ZNF862: variants seen among roughly 807,000 people sequenced by gnomAD.
ZNF862 encodes the protein zinc finger protein 862.
In ZNF862, 64 loss-of-function variants were observed where a neutral mutation model predicts 91.1. The observed-to-expected ratio is 0.70, with a 90% CI of 0.57 to 0.87. The LOEUF is 0.87. Ranked by LOEUF, ZNF862 falls within the 40% of genes least tolerant of loss-of-function variation. ZNF862 has a pLI of 0.00. For synonymous variants in ZNF862, 631 were observed against 618.1 expected, an observed-to-expected ratio of 1.02 and a Z score of -0.31; for missense variants, 1,459 against 1,528.0, an observed-to-expected ratio of 0.95 and a Z score of 0.75.
intron 1 of ZNF862, chr7:149,840,840 T>G (rs1801680060): frequency 1.6e-6 from 1 of 609,132 alleles, no homozygotes; most frequent in Admixed American, 6.3e-5. Context: ...AAGTACACTC[T>G]GTGATGTTCC....
intron 5 of ZNF862, among the ~76,000 whole-genome samples, chr7:149,853,813 C>G (rs1802158262): frequency 6.6e-6 from 1 of 151,918 alleles, no homozygotes; most frequent in Non-Finnish European, 1.5e-5. Flanking sequence ...TGGCACACAC[C>G]CTTAGTTCCA....
rs767215098 is a variant in ZNF862, at chr7:149,848,276, A to G, written c.783A>G (p.Ser261=). The change falls in exon 4 of 8, where the codon TCA becomes TCG. Residue 261 remains serine, a synonymous_variant. Coordinates refer to ENST00000223210, the MANE Select transcript of ZNF862 (RefSeq NM_001099220.3). ...GCATGGCTGAGCTCCTGCCAAGTTC[A>G]AGAGCTGAACTAGAGGACCCTGGGG... ...FDSMAELLPS[S]RAELEDPGGD... 6 of 1,611,780 alleles carry G rather than the reference A, an allele frequency of 3.7e-6. No homozygotes were observed. The South Asian group carries it at 5.5e-5, about 15-fold the overall frequency.
chr7:149,867,176 G>A lies in ZNF862; in HGVS notation c.*2892G>A, dbSNP rs187859841. On this transcript the variant is annotated 3_prime_UTR_variant, in exon 8 of 8. Coordinates refer to ENST00000223210, the MANE Select transcript of ZNF862 (RefSeq NM_001099220.3). ...GTAGTTTGATCCCAATAGCCATAGC[G>A]ACTCCAGGTGGGAGTGAGGGAGCCC... 2 of 152,302 alleles carry A rather than the reference G, an allele frequency of 1.3e-5. No individual in the cohort carries two copies. The highest frequency in any genetic ancestry group is 1.3e-4 in the Admixed American group (2 of 15,308). The allele number at this position is 152,302 out of a possible 1,614,324, so 9.4% of individuals were successfully genotyped here.
intron 3 of ZNF862, among the ~76,000 whole-genome samples, 172 bp downstream of exon 3, chr7:149,846,427 C>T (rs1411961830): frequency 1.3e-5 from 2 of 152,224 alleles, no homozygotes; most frequent in Non-Finnish European, 2.9e-5. Flanking sequence ...CCCCTAATGT[C>T]CTTCTCCAAC....
chr7:149,861,035 C>G lies in ZNF862; in HGVS notation c.1875C>G (p.Ser625Arg). ...LEDVRNSPCVSVLLDSSTDAS... is the reference protein window; with the variant it reads ...LEDVRNSPCVRVLLDSSTDAS... The stretch of plus-strand genomic sequence containing the variant: ...ACGTGCGGAACTCGCCCTGTGTGAG[C>G]GTGCTGCTGGACAGCTCCACCGACG... The change falls in exon 7 of 8, where the codon AGC becomes AGG. Residue 625 changes from serine to arginine, a missense_variant. Ser to Arg is a moderately radical substitution (Grantham distance 110, BLOSUM62 -1). Coordinates refer to ENST00000223210, the MANE Select transcript of ZNF862 (RefSeq NM_001099220.3). This position sits in a 1 kb window ranked among gnomAD's most constrained non-coding sequence, Gnocchi z 6.7. 6.2e-7 allele frequency: 1 copy of G among 1,612,744 alleles called. No homozygotes were observed. The highest frequency in any genetic ancestry group is 1.3e-5 in the African/African-American group (1 of 75,028).
In ZNF862 at chr7:149,864,508, A is replaced by G. The variant is rs1001585799; in HGVS notation, c.*224A>G. On this transcript the variant is annotated 3_prime_UTR_variant, in exon 8 of 8. Transcript: ENST00000223210. ...ATGCCTCACAGCACACAAATGTGCC[A>G]GAAGGTTCTATATCTCAAGTTCATT... The G allele has an allele frequency of 5.6e-6, 3 of 533,242 alleles. No homozygotes were observed. Among genetic ancestry groups the G allele is most frequent in the African/African-American group, 3.8e-5 (2 of 52,768 alleles). The allele number at this position is 533,242 out of a possible 1,614,324, so 33.0% of individuals were successfully genotyped here. A position where few individuals can be genotyped will look rare whatever the true frequency, so the allele number is the denominator to read the frequency against.
intron 1 of ZNF862, 88 bp downstream of exon 1, chr7:149,838,723 C>A (rs1266477773): frequency 4.6e-6 from 4 of 871,054 alleles, no homozygotes; most frequent in Non-Finnish European, 6.1e-6. Flanking sequence ...CGGGCGGAGG[C>A]CCCGCAGATG....
At chr7:149,840,383 TA>T (rs1229661935) in intron 1 of ZNF862, among the ~76,000 whole-genome samples, 1 of 152,086 alleles carries the variant, frequency 6.6e-6, no homozygotes, top group Non-Finnish European at 1.5e-5. Flanking sequence ...GTCAAAAGTT[TA>T]AAAAATTAAG....
At chr7:149,843,464 G>A (rs566232932) in intron 1 of ZNF862, among the ~76,000 whole-genome samples, 1 of 152,248 alleles carries the variant, frequency 6.6e-6, no homozygotes, top group Non-Finnish European at 1.5e-5. Flanking sequence ...TTGCGTGGCT[G>A]TGGTACCTTA....
intron 1 of ZNF862, chr7:149,841,676 G>T (rs889779108): frequency 1.0e-6 from 1 of 985,294 alleles, no homozygotes; most frequent in Non-Finnish European, 1.2e-6. Context: ...TGCTGTTGGT[G>T]CCCCGAAAGA....
At position 149,844,735 on chromosome 7, in the gene ZNF862, G is replaced by C; in HGVS notation, c.135G>C (p.Leu45=). 1 of 1,566,370 alleles carries C rather than the reference G, an allele frequency of 6.4e-7. No individual in the cohort carries two copies. The highest frequency in any genetic ancestry group is 8.7e-7 in the Non-Finnish European group (1 of 1,151,588). Residue 45 remains leucine (L), a splice_region_variant and synonymous_variant, in exon 2 of 8, where the codon CTG becomes CTC. Coordinates refer to ENST00000223210, the MANE Select transcript of ZNF862 (RefSeq NM_001099220.3). The part of the protein sequence containing the change: ...LCGSNKLVAP[L]GPTVANPELF... ...GTTCCAACAAGCTGGTGGCACCACTGGGTATGGGTGCCCATCCACATCCCT... is the reference window on the plus strand; with the variant it reads ...GTTCCAACAAGCTGGTGGCACCACTCGGTATGGGTGCCCATCCACATCCCT...
In ZNF862 at chr7:149,844,742, G is replaced by C. The variant is rs929576750; in HGVS notation, c.136+6G>C. On this transcript the variant is annotated splice_donor_region_variant and intron_variant, in intron 2 of 7. Transcript: ENST00000223210. ...CAAGCTGGTGGCACCACTGGGTATGGGTGCCCATCCACATCCCTGCCACTG... is the reference window on the plus strand; with the variant it reads ...CAAGCTGGTGGCACCACTGGGTATGCGTGCCCATCCACATCCCTGCCACTG... 6.4e-7 allele frequency: 1 copy of C among 1,560,686 alleles called. No homozygotes were observed. The highest frequency in any genetic ancestry group is 1.4e-5 in the African/African-American group (1 of 73,760).
At chr7:149,858,694 A>G (rs1802341568) in intron 5 of ZNF862, 1 of 152,542 alleles carries the variant, frequency 6.6e-6, no homozygotes, top group South Asian at 2.1e-4. Context: ...ACCCCTGAAC[A>G]ATATTCCTAT....
chr7:149,861,869 C>T lies in ZNF862; in HGVS notation c.2709C>T (p.His903=), dbSNP rs367952368. 16 of 1,613,610 alleles carry T rather than the reference C, an allele frequency of 9.9e-6. No individual in the cohort carries two copies. Among genetic ancestry groups the T allele is most frequent in the African/African-American group, 8.0e-5 (6 of 74,916 alleles). The part of the protein sequence containing the change: ...FNASFKDGRL[H]GICLDKLEVA... Reference sequence around the variant, plus strand: ...CCAGCTTCAAGGATGGGCGGCTCCACGGCATCTGCTTGGACAAACTGGAGG... The same window carrying T: ...CCAGCTTCAAGGATGGGCGGCTCCATGGCATCTGCTTGGACAAACTGGAGG... Residue 903 remains histidine, a synonymous_variant, in exon 7 of 8, where the codon CAC becomes CAT. Transcript: ENST00000223210. The surrounding 1 kb of genome is among the most constrained non-coding windows in gnomAD (Gnocchi z 6.7).
chr7:149,852,191 T>G (rs1348385203), intron 5 of ZNF862: 1 of 151,998 alleles, frequency 6.6e-6, no homozygotes, highest in Non-Finnish European at 1.5e-5. Flanking sequence ...ATTCTTTAAT[T>G]GTTATTATTA....
chr7:149,842,545 G>A (rs2128935632), intron 1 of ZNF862, among the ~76,000 whole-genome samples: 2 of 152,362 alleles, frequency 1.3e-5, no homozygotes, highest in South Asian at 4.1e-4. Context: ...GATACCAGGT[G>A]TTAGTGTTAT....
intron 3 of ZNF862, 83 bp downstream of exon 3, chr7:149,846,338 G>T (rs981996812): frequency 2.8e-6 from 3 of 1,079,144 alleles, no homozygotes; most frequent in Non-Finnish European, 4.1e-6. Context: ...CTCATCCTCT[G>T]CCCTTCCTGT....
chr7:149,858,451 C>T (rs999286226), intron 5 of ZNF862: 5 of 152,116 alleles, frequency 3.3e-5, no homozygotes, highest in Non-Finnish European at 7.4e-5. Context: ...TTGACACACA[C>T]ATATATGTAT....
At chr7:149,840,103 G>A (rs1801647463) in intron 1 of ZNF862, among the ~76,000 whole-genome samples, 1 of 146,178 alleles carries the variant, frequency 6.8e-6, no homozygotes, top group Non-Finnish European at 1.5e-5. Flanking sequence ...CCTATCACCT[G>A]GTGACATCTT....
Sources: allele counts gnomAD v4.1 joint callset (sites outside exome capture counted in the v4.1 genomes callset), GRCh38; gene constraint gnomAD v4.1.1; non-coding constraint Gnocchi (gnomAD v3.1); transcripts MANE v1.5; gene names NCBI Gene and HGNC (gene_info 2026-07-23, HGNC 2026-07-21).